The following SLC24A5 variants were observed in gnomAD, a reference collection of about 807,000 sequenced individuals.
SLC24A5 encodes the protein sodium/potassium/calcium exchanger 5.
A neutral mutation model predicts 51.6 loss-of-function variants in SLC24A5; 46 were observed. The ratio of observed to expected loss-of-function variants is 0.89; its 90% CI spans 0.70 to 1.14. SLC24A5 has a LOEUF of 1.14. SLC24A5 is among the 50% of genes most tolerant of loss of function. The pLI, the probability that SLC24A5 is intolerant of heterozygous loss-of-function variation, is 0.00. For synonymous variants in SLC24A5, 230 were observed against 214.9 expected (o/e 1.07, Z -0.62); for missense variants, 581 against 604.1 (o/e 0.96, Z 0.40).
At chr15:48,139,438 G>T in intron 7 of SLC24A5, 1 of 277,632 alleles carries the variant, frequency 3.6e-6, no homozygotes, top group Non-Finnish European at 6.8e-6. Context: ...CAAATTCATA[G>T]GATGTCTTTT....
chr15:48,141,857 A>C (rs781281109), intron 8 of SLC24A5, 172 bp from the exon 9 acceptor site: 9 of 453,564 alleles, frequency 2.0e-5, no homozygotes, highest in Non-Finnish European at 3.5e-5. Context: ...GACTTTAAAT[A>C]CTAACCCAAG....
chr15:48,121,812 T>C, intron 1 of SLC24A5, 45 bp from the exon 2 acceptor site: 1 of 1,589,456 alleles, frequency 6.3e-7, no homozygotes, highest in Non-Finnish European at 8.6e-7. Context: ...GCTTGGAATG[T>C]GTGACTCCAA....
At position 48,139,059 on chromosome 15, in the gene SLC24A5, C is replaced by T. The variant is rs766912139; in HGVS notation, c.962C>T (p.Thr321Ile). The T allele has an allele frequency of 1.9e-6, 3 of 1,612,610 alleles. No individual in the cohort carries two copies. Among genetic ancestry groups the T allele is most frequent in the Non-Finnish European group, 1.7e-6 (2 of 1,179,040 alleles). ...CCTATTATTACATTACTTTTTCTAA[C>T]CACACCAGATTGTAGAAAAAAGTTT... The part of the protein sequence containing the change: ...SLPIITLLFL[T>I]TPDCRKKFWK... Residue 321 changes from threonine to isoleucine, a missense_variant, in exon 7 of 9, where the codon ACC (threonine) becomes ATC (isoleucine). Physicochemically the swap from Thr to Ile is moderately conservative, Grantham distance 89. Coordinates refer to ENST00000341459, the MANE Select transcript of SLC24A5 (RefSeq NM_205850.3).
At chr15:48,140,853 G>A in intron 7 of SLC24A5, 1 of 343,824 alleles carries the variant, frequency 2.9e-6, no homozygotes, top group Non-Finnish European at 5.5e-6. Flanking sequence ...TATCAAACAG[G>A]AAAATTTCTC....
At chr15:48,138,814 C>A in intron 6 of SLC24A5, 155 bp from the exon 7 acceptor site, 1 of 598,394 alleles carries the variant, frequency 1.7e-6, no homozygotes, top group African/African-American at 1.9e-5. Flanking sequence ...AGTTTCTTTT[C>A]ACCAGCAATA....
At chr15:48,135,355 G>A (rs1350315538) in intron 5 of SLC24A5, 1 of 160,818 alleles carries the variant, frequency 6.2e-6, no homozygotes, top group African/African-American at 2.4e-5. Context: ...AGTGTTCATG[G>A]CCACAAAAGA....
At chr15:48,141,253 C>T (rs1567233372) in intron 8 of SLC24A5, 39 bp downstream of exon 8, 2 of 1,456,766 alleles carry the variant, frequency 1.4e-6, no homozygotes, top group African/African-American at 2.8e-5. Context: ...GGTCATTCTA[C>T]AAGGCTAGAA....
At chr15:48,140,184 A>G (rs980678316) in intron 7 of SLC24A5, 1 of 152,148 alleles carries the variant, frequency 6.6e-6, no homozygotes, top group Non-Finnish European at 1.5e-5. Flanking sequence ...CTAGAAAAAT[A>G]AAAAGAGAGC....
At chr15:48,124,552 T>C (rs1009857034) in intron 2 of SLC24A5, 1 of 152,054 alleles carries the variant, frequency 6.6e-6, no homozygotes. Context: ...ATGACATGAC[T>C]GAAAAAATAA....
At position 48,139,112 on chromosome 15, in the gene SLC24A5, T is replaced by A; in HGVS notation, c.1015T>A (p.Phe339Ile). Residue 339 changes from phenylalanine to isoleucine, a missense_variant, in exon 7 of 9, where the codon TTC becomes ATC. Physicochemically the swap from Phe to Ile is conservative, Grantham distance 21. Transcript: ENST00000341459. The stretch of plus-strand genomic sequence containing the variant: ...GAAAAACTACTTTGTGATAACCTTT[T>A]TCATGTCTGCAATATGGATATCCGC... ...FWKNYFVITF[F>I]MSAIWISAFT... 1 of 1,613,200 alleles carries A rather than the reference T, an allele frequency of 6.2e-7. No homozygotes were observed. Among genetic ancestry groups the A allele is most frequent in the Non-Finnish European group, 8.5e-7 (1 of 1,179,390 alleles).
intron 2 of SLC24A5, among the ~76,000 whole-genome samples, chr15:48,126,359 C>T (rs1405961564): frequency 6.6e-6 from 1 of 152,106 alleles, no homozygotes; most frequent in East Asian, 1.9e-4. Context: ...TTTTTCTGTC[C>T]ATTTGGTTCT....
At chr15:48,128,274 T>C (rs10083691) in intron 2 of SLC24A5, among the ~76,000 whole-genome samples, 1 of 151,514 alleles carries the variant, frequency 6.6e-6, no homozygotes, top group Admixed American at 6.6e-5. Context: ...TATGAAACTT[T>C]AAAAAAAAAT....
intron 2 of SLC24A5, chr15:48,123,563 G>C (rs560291640): frequency 6.6e-6 from 1 of 152,122 alleles, no homozygotes; most frequent in East Asian, 1.9e-4. Context: ...TCTGACACTG[G>C]TTTTTACACA....
Position 48,134,338 on chromosome 15 carries a change from C to G in SLC24A5, c.382C>G (p.Leu128Val). 6.2e-7 allele frequency: 1 copy of G among 1,613,464 alleles called. No homozygotes were observed. Among genetic ancestry groups the G allele is most frequent in the South Asian group, 1.1e-5 (1 of 91,058 alleles). Residue 128 changes from leucine to valine, a missense_variant, in exon 3 of 9, where the codon CTA (leucine) becomes GTA (valine). By Grantham distance (32) the Leu-to-Val change is conservative (BLOSUM62 1). Coordinates refer to ENST00000341459, the MANE Select transcript of SLC24A5 (RefSeq NM_205850.3). ...SSAPELVTAF[L>V]GVFITKGDIG... ...AGCTCCTGAATTAGTTACTGCTTTC[C>G]TAGGTAAATATTGCTCCTTATACTT...
chr15:48,141,454 G>C (rs2039081847), intron 8 of SLC24A5: 2 of 306,580 alleles, frequency 6.5e-6, no homozygotes, highest in South Asian at 7.2e-5. Context: ...GCATGTGCCT[G>C]TAATCCCAGC....
At chr15:48,132,044 GT>G (rs2038795732) in intron 2 of SLC24A5, among the ~76,000 whole-genome samples, 2 of 152,060 alleles carry the variant, frequency 1.3e-5, no homozygotes, top group African/African-American at 4.8e-5. Context: ...GAAAGCCAAA[GT>G]CCTTATTAGG....
intron 2 of SLC24A5, among the ~76,000 whole-genome samples, chr15:48,131,879 A>G (rs138455062): frequency 5.3e-5 from 8 of 152,254 alleles, no homozygotes; most frequent in Non-Finnish European, 1.0e-4. Context: ...ACTTTTCACA[A>G]TGGTTTTTCA....
intron 2 of SLC24A5, among the ~76,000 whole-genome samples, chr15:48,127,736 T>G (rs1411728823): frequency 6.6e-6 from 1 of 152,090 alleles, no homozygotes; most frequent in Non-Finnish European, 1.5e-5. Flanking sequence ...GGCAGGAGAA[T>G]TGCTTAAACC....
intron 2 of SLC24A5, among the ~76,000 whole-genome samples, chr15:48,125,818 G>A (rs1035355602): frequency 1.3e-5 from 2 of 152,154 alleles, no homozygotes; most frequent in Admixed American, 1.3e-4. Flanking sequence ...TCATAGATGA[G>A]GCTATAATGT....
Sources: allele counts gnomAD v4.1 joint callset (sites outside exome capture counted in the v4.1 genomes callset), GRCh38; gene constraint gnomAD v4.1.1; transcripts MANE v1.5; gene names NCBI Gene and HGNC (gene_info 2026-07-23, HGNC 2026-07-21).